The following DYDC2 variants were observed in gnomAD, a reference collection of about 807,000 sequenced individuals.
DYDC2 encodes DPY30 domain-containing protein 2.
In DYDC2, 19 loss-of-function variants were observed where a neutral mutation model predicts 18.7. That is an observed-to-expected ratio of 1.02 (90% confidence interval 0.71 to 1.49). DYDC2 has a LOEUF of 1.49. Ranked by LOEUF, DYDC2 falls within the 40% of genes most tolerant of loss-of-function variation. The pLI is 0.00. For synonymous variants in DYDC2, 63 were observed against 67.6 expected (o/e 0.93, Z 0.34); for missense variants, 179 against 205.1 (o/e 0.87, Z 0.78).
At chr10:80,353,647 C>T (rs1319350759), upstream of DYDC2, among the ~76,000 whole-genome samples, 6 of 150,458 alleles carry the variant, frequency 4.0e-5, no homozygotes, top group Non-Finnish European at 8.9e-5. Flanking sequence ...GTCAGGAGAT[C>T]GAGACCATCC....
chr10:80,355,675 C>T (rs1476160530), upstream of DYDC2, among the ~76,000 whole-genome samples: 3 of 152,068 alleles, frequency 2.0e-5, no homozygotes, highest in Non-Finnish European at 2.9e-5. Flanking sequence ...ATCTCTAAGA[C>T]ACAGAATAAA....
At chr10:80,363,345 T>G (rs939768112) in intron 4 of DYDC2, among the ~76,000 whole-genome samples, 1 of 130,072 alleles carries the variant, frequency 7.7e-6, no homozygotes, top group East Asian at 2.2e-4. Context: ...TGTTTTTTTT[T>G]TTTTTTTTTT....
chr10:80,351,750 C>G, intron 1 of DYDC2: 1 of 682,186 alleles, frequency 1.5e-6, no homozygotes, highest in Middle Eastern at 3.0e-4. Context: ...GCTTCTCCAG[C>G]AAAGAAGACA....
In DYDC2 at chr10:80,344,860, C is replaced by G. The variant is rs552046359; in HGVS notation, c.-310+45C>G. The G allele has an allele frequency of 1.7e-5, 3 of 173,838 alleles. No individual in the cohort carries two copies. In the South Asian group the frequency reaches 3.7e-4, roughly 21 times the overall value. 10.8% of individuals were successfully genotyped at this position (173,838 alleles called of 1,614,324 possible). On this transcript the variant is annotated intron_variant, in intron 1 of 4. Transcript: ENST00000372197. The stretch of plus-strand genomic sequence containing the variant: ...TTTTTCTTCCCAGTGTTGGGTATGT[C>G]TTTATCAGCTGCTTGAAAATGGACT...
intron 2 of DYDC2, 107 bp downstream of exon 2, chr10:80,358,152 C>T (rs1370743575): frequency 2.7e-5 from 21 of 774,282 alleles, no homozygotes; most frequent in Non-Finnish European, 3.3e-5. Flanking sequence ...CGGAGGTGGG[C>T]GGATCACCTG....
chr10:80,362,873 T>G, intron 3 of DYDC2, 78 bp from the exon 4 acceptor site: 3 of 1,549,168 alleles, frequency 1.9e-6, no homozygotes, highest in Non-Finnish European at 2.6e-6. Flanking sequence ...ACAGCCCATA[T>G]CAGTCCCCAG....
upstream of DYDC2, among the ~76,000 whole-genome samples, chr10:80,355,643 A>G (rs778425178): frequency 6.6e-6 from 1 of 152,214 alleles, no homozygotes; most frequent in Non-Finnish European, 1.5e-5. Context: ...GATGTACAAG[A>G]GAATGAAGAA....
At chr10:80,352,770 C>T (rs1843081397), upstream of DYDC2, 5 of 901,286 alleles carry the variant, frequency 5.5e-6, no homozygotes, top group East Asian at 3.3e-5. Flanking sequence ...CAGGAAACTT[C>T]TAATAGTTTC....
At chr10:80,346,624 C>T (rs1205917015) in intron 1 of DYDC2, among the ~76,000 whole-genome samples, 1 of 151,520 alleles carries the variant, frequency 6.6e-6, no homozygotes, top group Non-Finnish European at 1.5e-5. Context: ...CCACGCCCGG[C>T]TAATTTTTTG....
rs1440422381 is a variant in DYDC2 at position 80,358,041 on chromosome 10, C to A, written c.-14C>A. The A allele has an allele frequency of 6.1e-6, 6 of 985,466 alleles. No homozygotes were observed. Among genetic ancestry groups the A allele is most frequent in the Non-Finnish European group, 7.2e-6 (6 of 830,076 alleles). The allele number at this position is 985,466 out of a possible 1,614,324, so 61.0% of individuals were successfully genotyped here. On this transcript the variant is annotated 5_prime_UTR_variant, in exon 2 of 5. Coordinates refer to ENST00000256039, the MANE Select transcript of DYDC2 (RefSeq NM_032372.6). The stretch of plus-strand genomic sequence containing the variant: ...AACACTGAAAAATAGCCTCTCCCCC[C>A]ATTGGTGAGTGTACCCTAAGTTGGT...
intron 1 of DYDC2, among the ~76,000 whole-genome samples, 193 bp from the exon 2 acceptor site, chr10:80,357,700 C>T (rs986455982): frequency 1.3e-5 from 2 of 152,170 alleles, no homozygotes; most frequent in Non-Finnish European, 2.9e-5. Context: ...CTTCCCTGGC[C>T]TAGTCGTCTG....
chr10:80,350,461 G>A (rs1842920412), intron 1 of DYDC2, among the ~76,000 whole-genome samples: 1 of 152,146 alleles, frequency 6.6e-6, no homozygotes, highest in Non-Finnish European at 1.5e-5. Context: ...GCTGCTGCAG[G>A]AAGCACCTGG....
rs1204413077 is a variant in DYDC2 at position 80,368,037 on chromosome 10, CTG to C, written c.*1088_*1089del. The C allele has an allele frequency of 6.6e-6, 1 of 152,204 alleles. No homozygotes were observed. Among genetic ancestry groups the C allele is most frequent in the Non-Finnish European group, 1.5e-5 (1 of 68,064 alleles). The allele number at this position is 152,204 out of a possible 1,614,324, so 9.4% of individuals were successfully genotyped here. A position where few individuals can be genotyped will look rare whatever the true frequency, so the allele number is the denominator to read the frequency against. On this transcript the variant is annotated 3_prime_UTR_variant, in exon 5 of 5. Coordinates refer to ENST00000256039, the MANE Select transcript of DYDC2 (RefSeq NM_032372.6). ...TTCTGTCTCTGTGATTTAGATTACT[CTG>C]TAAGTATGTTGTATAAATAGACTCA... is the stretch of plus-strand genomic sequence containing the variant.
At chr10:80,359,648 T>C (rs1020315998) in intron 2 of DYDC2, among the ~76,000 whole-genome samples, 2 of 152,032 alleles carry the variant, frequency 1.3e-5, no homozygotes, top group African/African-American at 4.8e-5. Flanking sequence ...GGGGAGGCAG[T>C]AGAGGCCCGG....
intron 4 of DYDC2, among the ~76,000 whole-genome samples, chr10:80,365,474 T>C (rs1934695): frequency 0.79 from 120,126 of 152,208 alleles, 48,332 homozygotes; most frequent in East Asian, 0.97. Flanking sequence ...TTTAGAAATG[T>C]ATTTTTATAG....
upstream of DYDC2, chr10:80,352,139 A>C (rs1267054493): frequency 1.2e-6 from 1 of 811,890 alleles, no homozygotes; most frequent in African/African-American, 1.7e-5. Context: ...GAAATGATAT[A>C]ATAATTTGGG....
In DYDC2 at chr10:80,359,668, G is replaced by A. The variant is rs115103325; in HGVS notation, c.-10+1623G>A. On this transcript the variant is annotated intron_variant, in intron 2 of 4. Coordinates refer to ENST00000256039, the MANE Select transcript of DYDC2 (RefSeq NM_032372.6). The stretch of plus-strand genomic sequence containing the variant: ...GGCAGTAGAGGCCCGGCAAGAATTC[G>A]AGCAAAGTGCTGGCAGGCCGGCACT... Among the ~76,000 whole-genome samples, 772 of 152,258 alleles carry A rather than the reference G, an allele frequency of 5.1e-3. 4 individuals are homozygous for A. Among genetic ancestry groups the A allele is most frequent in the African/African-American group, 0.018 (738 of 41,570 alleles).
intron 1 of DYDC2, among the ~76,000 whole-genome samples, chr10:80,357,158 G>A (rs1843432897): frequency 2.7e-5 from 4 of 148,906 alleles, no homozygotes; most frequent in Admixed American, 6.7e-5. Flanking sequence ...GAGCGCGCAC[G>A]AGGGGGCAAC....
upstream of DYDC2, among the ~76,000 whole-genome samples, chr10:80,356,005 AG>A (rs1843345939): frequency 6.7e-6 from 1 of 148,290 alleles, no homozygotes; most frequent in Non-Finnish European, 1.5e-5. Context: ...AAAAAAAAAA[AG>A]GTGCACAGAC....
Sources: allele counts gnomAD v4.1 joint callset (sites outside exome capture counted in the v4.1 genomes callset), GRCh38; gene constraint gnomAD v4.1.1; transcripts MANE v1.5; gene names NCBI Gene and HGNC (gene_info 2026-07-23, HGNC 2026-07-21).